Variants in DET1 observed in about 807,000 individuals in gnomAD.
DET1 encodes the protein DET1 partner of COP1 E3 ubiquitin ligase.
Under a neutral mutation model 43.7 loss-of-function variants are expected in DET1, and 22 were observed. The observed-to-expected ratio is 0.50, with a 90% CI of 0.36 to 0.72. The LOEUF is 0.72. DET1 is among the 30% of genes least tolerant of loss of function. The pLI is 0.00. For synonymous variants in DET1, 315 were observed against 266.2 expected (o/e 1.18, Z -1.79); for missense variants, 713 against 713.3 (o/e 1.00, Z 0.00).
chr15:88,535,467 C>A (rs1471274486), intron 1 of DET1, among the ~76,000 whole-genome samples: 1 of 151,394 alleles, frequency 6.6e-6, no homozygotes, highest in South Asian at 2.1e-4. Context: ...GAAATAATGG[C>A]TGTAATAGTT....
At chr15:88,528,962 T>C (rs1226793516) in intron 2 of DET1, among the ~76,000 whole-genome samples, 1 of 152,206 alleles carries the variant, frequency 6.6e-6, no homozygotes, top group African/African-American at 2.4e-5. Flanking sequence ...TTTTTACTTA[T>C]TAATCTTATT....
chr15:88,514,001 G>A (rs969674850), intron 4 of DET1, among the ~76,000 whole-genome samples: 7 of 149,416 alleles, frequency 4.7e-5, no homozygotes, highest in Non-Finnish European at 1.0e-4. Context: ...GGGTTTCACC[G>A]TGTTAGCCAG....
At chr15:88,537,664 CAA>C (rs1272048616) in intron 1 of DET1, among the ~76,000 whole-genome samples, 2 of 152,232 alleles carry the variant, frequency 1.3e-5, no homozygotes, top group Non-Finnish European at 2.9e-5. Context: ...GACCAGTACG[CAA>C]ACACTATATT....
chr15:88,533,250 A>G (rs1218159084), intron 1 of DET1, among the ~76,000 whole-genome samples: 1 of 152,220 alleles, frequency 6.6e-6, no homozygotes, highest in African/African-American at 2.4e-5. Flanking sequence ...CCTCACACCC[A>G]TTAGAACGAC....
chr15:88,544,354 G>A (rs141044766), intron 1 of DET1, among the ~76,000 whole-genome samples: 1 of 152,176 alleles, frequency 6.6e-6, no homozygotes, highest in African/African-American at 2.4e-5. Flanking sequence ...CCTTTATCAG[G>A]CTAGGTTCTC....
At position 88,516,324 on chromosome 15, in the gene DET1, C is replaced by T. The variant is rs1598317644; in HGVS notation, c.1463+458G>A. Among the ~76,000 whole-genome samples, 1 of 152,252 alleles carries T rather than the reference C, an allele frequency of 6.6e-6. No homozygotes were observed. Among genetic ancestry groups the T allele is most frequent in the African/African-American group, 2.4e-5 (1 of 41,464 alleles). ...CTTCTAACAATAACACAGTAGTCTA[C>T]ATTCCAAAATTCCTCCAAGTGAGGA... On this transcript the variant is annotated intron_variant, in intron 4 of 4. Coordinates refer to ENST00000268148, the MANE Select transcript of DET1 (RefSeq NM_001144074.3). The surrounding 1 kb of genome is among the most constrained non-coding windows in gnomAD (Gnocchi z 4.4).
In DET1 at chr15:88,513,041, G is replaced by A. The variant is rs754166318; in HGVS notation, c.1563C>T (p.Thr521=). The A allele has an allele frequency of 6.8e-6, 11 of 1,613,964 alleles. No homozygotes were observed. The highest frequency in any genetic ancestry group is 1.6e-4 in the Middle Eastern group (1 of 6,084). The change falls in exon 5 of 5, where the codon ACC becomes ACT. Residue 521 remains threonine, a synonymous_variant. Transcript: ENST00000268148. ...TAGCGAAAGGCTCAAAAGGGTGAAA[G>A]GTGAAGGCAACAAGGCGTCGCACTG... ...NHTVRRLVAF[T]FHPFEPFAIS...
At chr15:88,522,385 T>C (rs2056515096) in intron 3 of DET1, among the ~76,000 whole-genome samples, 1 of 152,148 alleles carries the variant, frequency 6.6e-6, no homozygotes, top group Non-Finnish European at 1.5e-5. Flanking sequence ...CTCTATTTTT[T>C]TTTTAAATGT....
intron 3 of DET1, among the ~76,000 whole-genome samples, chr15:88,523,585 G>A (rs1023058529): frequency 4.6e-5 from 7 of 152,152 alleles, no homozygotes; most frequent in African/African-American, 9.7e-5. Flanking sequence ...GATTGCAGGC[G>A]CGCACCGCCA....
chr15:88,518,400 T>A (rs2056404609), intron 3 of DET1, among the ~76,000 whole-genome samples: 1 of 152,198 alleles, frequency 6.6e-6, no homozygotes, highest in Admixed American at 6.5e-5. Flanking sequence ...ACTACCATTT[T>A]CAAAGATTAT....
intron 1 of DET1, among the ~76,000 whole-genome samples, chr15:88,534,970 C>A (rs1161139156): frequency 1.3e-5 from 2 of 152,050 alleles, no homozygotes; most frequent in East Asian, 3.8e-4. Flanking sequence ...TGACAGACAC[C>A]AATGTTGAGA....
At position 88,530,579 on chromosome 15, in the gene DET1, G is replaced by T. The variant is rs564838293; in HGVS notation, c.1083+44C>A. 3.8e-5 allele frequency: 58 copies of T among 1,533,628 alleles called. 1 individual carries two copies. In the South Asian group the frequency reaches 7.4e-4, roughly 20 times the overall value. Reference sequence around the variant, plus strand: ...ACAAACAGAGAAACCTTCCCATTTTGCCAAGGAGATTAGACAAGTAAAAGG... The same window carrying T: ...ACAAACAGAGAAACCTTCCCATTTTTCCAAGGAGATTAGACAAGTAAAAGG... On this transcript the variant is annotated intron_variant, in intron 2 of 4. Transcript: ENST00000268148.
chr15:88,526,882 C>T (rs1385393580), intron 3 of DET1, among the ~76,000 whole-genome samples: 2 of 152,132 alleles, frequency 1.3e-5, no homozygotes, highest in South Asian at 4.1e-4. Context: ...AAGAACTTTA[C>T]CAATCCTCCT....
intron 1 of DET1, among the ~76,000 whole-genome samples, chr15:88,537,089 A>T (rs893659078): frequency 2.0e-5 from 3 of 152,224 alleles, no homozygotes; most frequent in Admixed American, 1.3e-4. Flanking sequence ...ACATACCTCC[A>T]TGACTGAGCA....
At chr15:88,506,865 G>A (rs2056147445) in intron 7 of DET1, among the ~76,000 whole-genome samples, 1 of 152,146 alleles carries the variant, frequency 6.6e-6, no homozygotes, top group African/African-American at 2.4e-5. Context: ...GCAGGGATGG[G>A]AGGAGAGAGG....
chr15:88,523,589 A>G (rs908528012), intron 3 of DET1, among the ~76,000 whole-genome samples: 2 of 152,034 alleles, frequency 1.3e-5, no homozygotes, highest in Non-Finnish European at 2.9e-5. Context: ...GCAGGCGCGC[A>G]CCGCCACGCC....
chr15:88,539,448 TAAAAAAAAAAAAA>T (rs34945813), intron 1 of DET1, among the ~76,000 whole-genome samples: 2 of 96,484 alleles, frequency 2.1e-5, no homozygotes, highest in East Asian at 2.9e-4. Context: ...CTTGTCTGTC[TAAAAAAAAAAAAA>T]AAAAAAAAAA....
At chr15:88,521,121 C>G (rs191351277) in intron 3 of DET1, among the ~76,000 whole-genome samples, 72 of 152,310 alleles carry the variant, frequency 4.7e-4, no homozygotes, top group African/African-American at 1.6e-3. Flanking sequence ...ACCCTATTTC[C>G]AAGTACTCTG....
chr15:88,518,347 G>A (rs552825490), intron 3 of DET1, among the ~76,000 whole-genome samples: 1 of 152,184 alleles, frequency 6.6e-6, no homozygotes, highest in East Asian at 1.9e-4. Context: ...CATTCATACA[G>A]CATTGTTTAT....
Sources: allele counts gnomAD v4.1 joint callset (sites outside exome capture counted in the v4.1 genomes callset), GRCh38; gene constraint gnomAD v4.1.1; non-coding constraint Gnocchi (gnomAD v3.1); transcripts MANE v1.5; gene names NCBI Gene and HGNC (gene_info 2026-07-23, HGNC 2026-07-21).